ANKRD31: variants seen among roughly 807,000 people sequenced by gnomAD.
ANKRD31 encodes the protein ankyrin repeat domain-containing protein 31.
A neutral mutation model predicts 186.0 loss-of-function variants in ANKRD31; 147 were observed. That is an observed-to-expected ratio of 0.79 (90% CI 0.69 to 0.91). ANKRD31 has a LOEUF of 0.91. Ranked by LOEUF, ANKRD31 falls within the 40% of genes least tolerant of loss-of-function variation. ANKRD31 has a pLI of 0.00. For synonymous variants in ANKRD31, 673 were observed against 736.4 expected (o/e 0.91, Z 1.39); for missense variants, 1,986 against 2,148.8 (o/e 0.92, Z 1.50).
intron 5 of ANKRD31, among the ~76,000 whole-genome samples, chr5:75,202,848 T>C (rs978444770): frequency 1.3e-5 from 2 of 152,264 alleles, no homozygotes; most frequent in African/African-American, 4.8e-5. Flanking sequence ...AGTGCCAGAA[T>C]GGAAGAGAAC....
chr5:75,104,617 C>A lies in ANKRD31; in HGVS notation c.4942G>T (p.Ala1648Ser). The A allele has an allele frequency of 6.5e-7, 1 of 1,536,570 alleles. No individual in the cohort carries two copies. The highest frequency in any genetic ancestry group is 8.7e-7 in the Non-Finnish European group (1 of 1,146,648). The stretch of plus-strand genomic sequence containing the variant: ...GCAGCATTTTCGGCAAGGACACTTG[C>A]AGTTTCTGAAATATTTAATTTGCCG... ...VIGKLNISET[A>S]SVLAENAAHP... The change falls in exon 22 of 26, where the codon GCA becomes TCA. Residue 1648 changes from alanine (A) to serine (S), a missense_variant. Coordinates refer to ENST00000506364, the MANE Select transcript of ANKRD31 (RefSeq NM_001372053.1).
chr5:75,168,421 T>A (rs1284849926), intron 11 of ANKRD31, among the ~76,000 whole-genome samples: 1 of 152,194 alleles, frequency 6.6e-6, no homozygotes, highest in African/African-American at 2.4e-5. Context: ...TAAATATGGT[T>A]TCTGAGATAA....
chr5:75,152,136 T>C (rs1751882584), intron 12 of ANKRD31, among the ~76,000 whole-genome samples: 1 of 152,086 alleles, frequency 6.6e-6, no homozygotes, highest in Non-Finnish European at 1.5e-5. Flanking sequence ...GAGCTGCTTT[T>C]ATTCTTGACC....
At chr5:75,176,636 C>T (rs1302258831) in intron 10 of ANKRD31, among the ~76,000 whole-genome samples, 2 of 152,168 alleles carry the variant, frequency 1.3e-5, no homozygotes, top group Admixed American at 6.5e-5. Context: ...CTGGAGTGGA[C>T]CTCCAGTAAA....
chr5:75,146,809 A>T lies in ANKRD31; in HGVS notation c.2602T>A (p.Tyr868Asn). 1 of 1,536,238 alleles carries T rather than the reference A, an allele frequency of 6.5e-7. No individual in the cohort carries two copies. Among genetic ancestry groups the T allele is most frequent in the Non-Finnish European group, 8.7e-7 (1 of 1,146,252 alleles). ...AAGTTACTGTTTTCATGAGATTTAT[A>T]AAGTACATGGTGTTGTTCCTGGAGA... ...HTLQEQHHVL[Y>N]KSHENSNLVP... The change falls in exon 14 of 26, where the codon TAT (tyrosine) becomes AAT (asparagine). Residue 868 changes from tyrosine to asparagine, a missense_variant. Tyr to Asn is a moderately radical substitution (Grantham distance 143). Coordinates refer to ENST00000506364, the MANE Select transcript of ANKRD31 (RefSeq NM_001372053.1).
chr5:75,222,973 T>A (rs185917985), intron 2 of ANKRD31, among the ~76,000 whole-genome samples: 7 of 152,344 alleles, frequency 4.6e-5, no homozygotes, highest in Non-Finnish European at 8.8e-5. Flanking sequence ...ATGGGATTGC[T>A]GGGTCAAATG....
chr5:75,110,707 CA>C (rs148815372), intron 20 of ANKRD31, among the ~76,000 whole-genome samples: 16 of 139,340 alleles, frequency 1.1e-4, no homozygotes, highest in South Asian at 2.3e-4. Flanking sequence ...AACTCCATCT[CA>C]AAAAAAAAAG....
intron 24 of ANKRD31, 79 bp downstream of exon 24, chr5:75,084,193 C>A: frequency 2.8e-6 from 3 of 1,053,630 alleles, no homozygotes; most frequent in South Asian, 1.5e-5. Flanking sequence ...AGAAAAAAGA[C>A]AAAATAAAAT....
chr5:75,098,741 T>A lies in ANKRD31; in HGVS notation c.5331+5487A>T, dbSNP rs569336803. 2.0e-5 allele frequency among the ~76,000 whole-genome samples: 3 copies of A among 152,342 alleles called. No homozygotes were observed. In the South Asian group the frequency reaches 6.2e-4, roughly 32 times the overall value. ...GATTTGGCTCTCTGTTTGTCTGTTGTTGGTGTATAGAAATGCTTGTGATTT... is the reference window on the plus strand; with the variant it reads ...GATTTGGCTCTCTGTTTGTCTGTTGATGGTGTATAGAAATGCTTGTGATTT... On this transcript the variant is annotated intron_variant, in intron 22 of 25. Coordinates refer to ENST00000506364, the MANE Select transcript of ANKRD31 (RefSeq NM_001372053.1).
intron 11 of ANKRD31, among the ~76,000 whole-genome samples, chr5:75,167,694 T>C (rs1279047815): frequency 2.6e-5 from 4 of 152,146 alleles, no homozygotes; most frequent in Non-Finnish European, 4.4e-5. Flanking sequence ...ATTTCATATA[T>C]GCAAAGGCCA....
At chr5:75,117,989 TA>T in intron 18 of ANKRD31, 145 bp downstream of exon 18, 1 of 628,680 alleles carries the variant, frequency 1.6e-6, no homozygotes, top group Non-Finnish European at 2.3e-6. Context: ...TGCCAATTTC[TA>T]AAAATAAATA....
intron 24 of ANKRD31, among the ~76,000 whole-genome samples, chr5:75,081,700 CAG>C (rs935046250): frequency 0.029 from 3,918 of 136,348 alleles, 157 homozygotes; most frequent in African/African-American, 0.097. Flanking sequence ...GAGAGAGAGA[CAG>C]AGAGAGAGAG....
At chr5:75,150,586 A>C (rs1751773395) in intron 12 of ANKRD31, among the ~76,000 whole-genome samples, 1 of 152,010 alleles carries the variant, frequency 6.6e-6, no homozygotes, top group Non-Finnish European at 1.5e-5. Context: ...ACAAAGGAAG[A>C]GTGGGAGCTT....
At chr5:75,135,632 C>G (rs1223888293) in intron 17 of ANKRD31, among the ~76,000 whole-genome samples, 1 of 152,150 alleles carries the variant, frequency 6.6e-6, no homozygotes, top group African/African-American at 2.4e-5. Flanking sequence ...CATCAAGCTA[C>G]CAATGACTTT....
intron 5 of ANKRD31, among the ~76,000 whole-genome samples, chr5:75,201,752 C>G (rs1432407674): frequency 6.6e-6 from 1 of 152,152 alleles, no homozygotes; most frequent in Non-Finnish European, 1.5e-5. Flanking sequence ...ACACCCTCCT[C>G]CCTTCTGGAA....
chr5:75,154,476 T>C lies in ANKRD31; in HGVS notation c.1708-131A>G, dbSNP rs1455031870. 8.7e-6 allele frequency: 7 copies of C among 804,982 alleles called. No individual in the cohort carries two copies. In the East Asian group the frequency reaches 2.3e-4, roughly 27 times the overall value. 49.9% of individuals were successfully genotyped at this position (804,982 alleles called of 1,614,324 possible). On this transcript the variant is annotated intron_variant, in intron 11 of 25. Transcript: ENST00000506364. Reference sequence around the variant, plus strand: ...ACTGTTTGGATTTATCTATAAATCCTTGTCCAATAAAAAAAGAATTAATGT... The same window carrying C: ...ACTGTTTGGATTTATCTATAAATCCCTGTCCAATAAAAAAAGAATTAATGT...
At position 75,099,800 on chromosome 5, in the gene ANKRD31, C is replaced by T. The variant is rs144539352; in HGVS notation, c.5331+4428G>A. Among the ~76,000 whole-genome samples, 42 of 152,052 alleles carry T rather than the reference C, an allele frequency of 2.8e-4. 1 individual carries two copies. In the East Asian group the frequency reaches 6.2e-3, roughly 22 times the overall value. On this transcript the variant is annotated intron_variant, in intron 22 of 25. Transcript: ENST00000506364. ...ATATAACCTTGATCATTTTTTATTG[C>T]GTCTATTTGACTCTTCTTTTTTATC...
intron 3 of ANKRD31, among the ~76,000 whole-genome samples, chr5:75,215,591 G>T (rs116637430): frequency 0.024 from 3,662 of 152,154 alleles, 134 homozygotes; most frequent in African/African-American, 0.083. Flanking sequence ...TATTTTTAAA[G>T]ATTGATGCCT....
chr5:75,076,020 G>C (rs998228836), intron 25 of ANKRD31, among the ~76,000 whole-genome samples: 3 of 151,234 alleles, frequency 2.0e-5, no homozygotes, highest in African/African-American at 7.3e-5. Flanking sequence ...TATCTCATTA[G>C]GGTTATGGAA....
Sources: allele counts gnomAD v4.1 joint callset (sites outside exome capture counted in the v4.1 genomes callset), GRCh38; gene constraint gnomAD v4.1.1; transcripts MANE v1.5; gene names NCBI Gene and HGNC (gene_info 2026-07-23, HGNC 2026-07-21).